The following CAPN5 variants were observed in gnomAD, a reference collection of about 807,000 sequenced individuals.
CAPN5 encodes calpain 5.
CAPN5 carries 54 observed loss-of-function variants against 73.0 expected under a neutral mutation model. The observed-to-expected ratio is 0.74, with a 90% CI of 0.59 to 0.93. The LOEUF (loss-of-function observed/expected upper bound fraction) is 0.93, where lower values mean the gene tolerates loss of function less well. CAPN5 is among the 40% of genes least tolerant of loss of function. The pLI, the probability that CAPN5 is intolerant of heterozygous loss-of-function variation, is 0.00. For synonymous variants in CAPN5, 335 were observed against 356.9 expected, an observed-to-expected ratio of 0.94 and a Z score of 0.69; for missense variants, 785 against 882.9, an observed-to-expected ratio of 0.89 and a Z score of 1.41.
intron 3 of CAPN5, among the ~76,000 whole-genome samples, chr11:77,099,941 A>AT (rs565291079): frequency 1.3e-3 from 193 of 151,776 alleles, no homozygotes; most frequent in Middle Eastern, 0.01. Context: ...GGTTCAAGTG[A>AT]TTTTCCTGCC....
chr11:77,096,646 C>T (rs554103388), intron 3 of CAPN5, among the ~76,000 whole-genome samples: 2 of 152,234 alleles, frequency 1.3e-5, no homozygotes, highest in Non-Finnish European at 2.9e-5. Flanking sequence ...AATCAGGTTG[C>T]GACAGTTTGG....
chr11:77,079,783 TTGTGTG>T (rs147108363), intron 1 of CAPN5, among the ~76,000 whole-genome samples: 9 of 148,142 alleles, frequency 6.1e-5, no homozygotes, highest in African/African-American at 2.0e-4. Context: ...CTACTTGAGA[TTGTGTG>T]TGTGTGTGTG....
intron 3 of CAPN5, among the ~76,000 whole-genome samples, chr11:77,107,516 C>T (rs1950364434): frequency 6.6e-6 from 1 of 152,184 alleles, no homozygotes; most frequent in Non-Finnish European, 1.5e-5. Flanking sequence ...CCTCCTTCTC[C>T]ACTCTGTCGC....
intron 2 of CAPN5, among the ~76,000 whole-genome samples, chr11:77,085,267 A>C (rs1950073931): frequency 6.6e-6 from 1 of 152,230 alleles, no homozygotes; most frequent in Non-Finnish European, 1.5e-5. Flanking sequence ...AGGCCCAGCC[A>C]GGCCTTCACC....
At chr11:77,078,296 C>T (rs1949994234) in intron 1 of CAPN5, among the ~76,000 whole-genome samples, 1 of 152,208 alleles carries the variant, frequency 6.6e-6, no homozygotes, top group Non-Finnish European at 1.5e-5. Context: ...CTGGTTTTCC[C>T]AACACCAATT....
chr11:77,093,730 G>T lies in CAPN5; in HGVS notation c.214G>T (p.Asp72Tyr). 1 of 1,611,410 alleles carries T rather than the reference G, an allele frequency of 6.2e-7. No individual in the cohort carries two copies. Among genetic ancestry groups the T allele is most frequent in the South Asian group, 1.1e-5 (1 of 90,810 alleles). Residue 72 changes from aspartate (D) to tyrosine (Y), a missense_variant, in exon 3 of 13, where the codon GAC becomes TAC. Transcript: ENST00000648180. ...RLFVDGISSH[D>Y]LHQGQVGNCW... ...CTTTGTGGATGGCATCAGCTCCCAC[G>T]ACCTGCACCAGGGCCAGGTGGGCAA...
intron 2 of CAPN5, among the ~76,000 whole-genome samples, chr11:77,092,111 C>T (rs545964547): frequency 3.3e-5 from 5 of 152,168 alleles, no homozygotes; most frequent in East Asian, 1.9e-4. Flanking sequence ...CCCAGCTATT[C>T]GTGAGGCTTA....
intron 10 of CAPN5, 87 bp downstream of exon 10, chr11:77,120,996 A>T (rs1200178352): frequency 7.6e-7 from 1 of 1,308,378 alleles, no homozygotes; most frequent in African/African-American, 1.5e-5. Flanking sequence ...AGAGATGCTC[A>T]GTGTCTCTGG....
At chr11:77,084,235 C>CTGGGCCCACG (rs1950057876) in intron 1 of CAPN5, among the ~76,000 whole-genome samples, 2 of 113,552 alleles carry the variant, frequency 1.8e-5, no homozygotes, top group Non-Finnish European at 4.2e-5. Context: ...GGGTGCTTGG[C>CTGGGCCCACG]TGGGCCCACC....
intron 3 of CAPN5, chr11:77,102,843 G>T (rs1555039095): frequency 6.3e-7 from 1 of 1,585,240 alleles, no homozygotes; most frequent in African/African-American, 1.3e-5. Flanking sequence ...TTGGGCCATG[G>T]CGGAGGACAG....
intron 2 of CAPN5, among the ~76,000 whole-genome samples, chr11:77,089,189 TG>T (rs1950123159): frequency 6.6e-6 from 1 of 152,178 alleles, no homozygotes; most frequent in Admixed American, 6.5e-5. Context: ...CACAGGTGGC[TG>T]GCACCAGATA....
chr11:77,110,425 A>G (rs1230816544), intron 3 of CAPN5, among the ~76,000 whole-genome samples: 1 of 152,008 alleles, frequency 6.6e-6, no homozygotes, highest in Non-Finnish European at 1.5e-5. Flanking sequence ...GGGCATTTTT[A>G]CTTAGAAAGG....
chr11:77,092,370 A>G (rs1336817571), intron 2 of CAPN5, among the ~76,000 whole-genome samples: 1 of 152,260 alleles, frequency 6.6e-6, no homozygotes, highest in African/African-American at 2.4e-5. Context: ...GCCAAAGCCC[A>G]TGCTTTTCCC....
chr11:77,102,830 C>T, intron 3 of CAPN5: 2 of 1,564,988 alleles, frequency 1.3e-6, no homozygotes, highest in Non-Finnish European at 1.7e-6. Context: ...GTGGCAGCAG[C>T]ACTTGGGCCA....
intron 3 of CAPN5, among the ~76,000 whole-genome samples, chr11:77,096,035 C>G (rs893498619): frequency 6.6e-6 from 1 of 152,194 alleles, no homozygotes; most frequent in East Asian, 1.9e-4. Flanking sequence ...GAGCTCATTA[C>G]TGCGCCTTCC....
At chr11:77,097,473 T>TA (rs1950222903) in intron 3 of CAPN5, among the ~76,000 whole-genome samples, 1 of 139,176 alleles carries the variant, frequency 7.2e-6, no homozygotes, top group African/African-American at 2.9e-5. Flanking sequence ...AGTTTTTTTT[T>TA]TTTTTTTTTT....
At chr11:77,089,123 G>A (rs1950122465) in intron 2 of CAPN5, among the ~76,000 whole-genome samples, 1 of 152,210 alleles carries the variant, frequency 6.6e-6, no homozygotes, top group South Asian at 2.1e-4. Context: ...GAGCTCACAG[G>A]CTGGTGGTGG....
chr11:77,113,943 C>A (rs543131254), intron 4 of CAPN5, among the ~76,000 whole-genome samples: 1 of 152,276 alleles, frequency 6.6e-6, no homozygotes, highest in African/African-American at 2.4e-5. Context: ...CTATACCCAT[C>A]CGACAGTAAC....
At chr11:77,097,026 C>T (rs376777322) in intron 3 of CAPN5, among the ~76,000 whole-genome samples, 269 of 152,146 alleles carry the variant, frequency 1.8e-3, no homozygotes, top group African/African-American at 5.4e-3. Flanking sequence ...ATCAAGACCA[C>T]CCTGGCTAAC....
Sources: gnomAD v4.1 joint callset for allele counts (sites outside exome capture counted in the v4.1 genomes callset) on GRCh38, gnomAD v4.1.1 for gene constraint, MANE v1.5 for transcripts, NCBI Gene and HGNC (gene_info 2026-07-23, HGNC 2026-07-21) for gene names.